Variants in DSC1 observed in about 807,000 individuals in gnomAD.
DSC1 encodes the protein desmocollin 1, also known as desmocollin-1.
DSC1 carries 79 observed loss-of-function variants against 98.8 expected under a neutral mutation model. The observed-to-expected ratio is 0.80, with a 90% CI of 0.67 to 0.96. The LOEUF is 0.96. DSC1 is among the 50% of genes least tolerant of loss of function. DSC1 has a pLI of 0.00. For missense variants in DSC1, 1,115 were observed against 1,075.9 expected (o/e 1.04, Z -0.51); for synonymous variants, 405 against 372.1 (o/e 1.09, Z -1.02).
At chr18:31,147,422 A>G (rs1988869258) in intron 6 of DSC1, among the ~76,000 whole-genome samples, 1 of 152,184 alleles carries the variant, frequency 6.6e-6, no homozygotes, top group Admixed American at 6.5e-5. Context: ...ACCAGTTAGT[A>G]ACTTTATGTA....
Position 31,154,823 on chromosome 18 carries a change from T to C in DSC1, c.578A>G (p.Asp193Gly). The change falls in exon 5 of 16, where the codon GAT (aspartate) becomes GGT (glycine). Residue 193 changes from aspartate to glycine, a missense_variant. Physicochemically the swap from Asp to Gly is moderately conservative, Grantham distance 94 (BLOSUM62 -1). Coordinates refer to ENST00000257198, the MANE Select transcript of DSC1 (RefSeq NM_024421.2). ...NLFYIEKDTG[D>G]IFCTRSIDRE... ...GTCAATGCTCCTTGTACAAAAGATA[T>C]CCCCAGTGTCTTTCTCTATGTAAAA... 1 of 1,613,964 alleles carries C rather than the reference T, an allele frequency of 6.2e-7. No individual in the cohort carries two copies. Among genetic ancestry groups the C allele is most frequent in the Admixed American group, 1.7e-5 (1 of 59,992 alleles).
chr18:31,148,449 G>A (rs758132707), intron 6 of DSC1, 49 bp downstream of exon 6: 22 of 1,502,652 alleles, frequency 1.5e-5, no homozygotes, highest in Middle Eastern at 1.8e-4. Context: ...TAATACTTAC[G>A]AAATGTCAAA....
chr18:31,158,508 T>G (rs1412745969), intron 2 of DSC1, among the ~76,000 whole-genome samples: 1 of 142,172 alleles, frequency 7.0e-6, no homozygotes, highest in Admixed American at 7.4e-5. Flanking sequence ...ACATCTGGCT[T>G]GGAAAGGATA....
At chr18:31,135,632 C>T (rs182988925) in intron 11 of DSC1, among the ~76,000 whole-genome samples, 2 of 152,260 alleles carry the variant, frequency 1.3e-5, no homozygotes, top group Admixed American at 6.5e-5. Context: ...GGAACTGTCT[C>T]GTACTCATCT....
At position 31,142,132 on chromosome 18, in the gene DSC1, T is replaced by C. The variant is rs752242040; in HGVS notation, c.1127A>G (p.Lys376Arg). ...GTTTGGCAAATCCTGATCCTGTACC[T>C]TCATTCGTAAAATCTCCACGTCAAT... ...NRIDVEILRM[K>R]VQDQDLPNTP... Residue 376 changes from lysine to arginine, a missense_variant, in exon 9 of 16, where the codon AAG becomes AGG. Lys to Arg is a conservative substitution (Grantham distance 26, BLOSUM62 2). Transcript: ENST00000257198. The C allele has an allele frequency of 4.3e-6, 7 of 1,613,106 alleles. No individual in the cohort carries two copies. The highest frequency in any genetic ancestry group is 5.9e-6 in the Non-Finnish European group (7 of 1,179,690).
At chr18:31,159,047 G>GTTTCTTTTTTT (rs1989154864) in intron 2 of DSC1, among the ~76,000 whole-genome samples, 1 of 71,098 alleles carries the variant, frequency 1.4e-5, no homozygotes, top group Non-Finnish European at 2.5e-5. Context: ...CTACTATGTG[G>GTTTCTTTTTTT]TTTTTTTTTT....
chr18:31,134,576 C>A lies in DSC1; in HGVS notation c.1872G>T (p.Lys624Asn). 1 of 1,606,418 alleles carries A rather than the reference C, an allele frequency of 6.2e-7. No homozygotes were observed. The highest frequency in any genetic ancestry group is 2.2e-5 in the East Asian group (1 of 44,732). ...AAATTTAGCATGATTACATACCATC[C>A]TTTTCTTCTATGTTCCAGTTTTTAC... ...SASKNWNIEE[K>N]DGKTAILRQR... Residue 624 changes from lysine to asparagine, a missense_variant, in exon 12 of 16, where the codon AAG (lysine) becomes AAT (asparagine). Physicochemically the swap from Lys to Asn is moderately conservative, Grantham distance 94. Transcript: ENST00000257198.
Position 31,130,710 on chromosome 18 carries a change from T to A in DSC1, c.2489A>T (p.Lys830Met). The stretch of plus-strand genomic sequence containing the variant: ...CTCATCTTGTCCACACAAATACACC[T>A]TCTGTATCAAAAAAGAGCACATTTT... ...QSFTQPRLGE[K>M]VYLCGQDEEH... is the part of the protein sequence containing the mutation. Residue 830 changes from lysine to methionine, a missense_variant and splice_region_variant, in exon 16 of 16, where the codon AAG (lysine) becomes ATG (methionine). Physicochemically the swap from Lys to Met is moderately conservative, Grantham distance 95. Transcript: ENST00000257198. The A allele has an allele frequency of 1.2e-6, 2 of 1,613,538 alleles. No homozygotes were observed. The highest frequency in any genetic ancestry group is 1.7e-6 in the Non-Finnish European group (2 of 1,179,866).
intron 12 of DSC1, 114 bp downstream of exon 12, chr18:31,134,458 G>C (rs887895235): frequency 8.1e-6 from 8 of 987,600 alleles, no homozygotes; most frequent in Non-Finnish European, 1.2e-5. Context: ...TGTTTTTAGG[G>C]TTAATAAAAT....
At position 31,138,984 on chromosome 18, in the gene DSC1, T is replaced by A. The variant is rs375120371; in HGVS notation, c.1663+764A>T. Among the ~76,000 whole-genome samples the A allele has an allele frequency of 5.3e-5, 8 of 152,186 alleles. No homozygotes were observed. In the South Asian group the frequency reaches 1.4e-3, roughly 28 times the overall value. ...AGTGTAGCTTCTACTTATATTTTTA[T>A]CATCCTCTTTTAATATGTTTTGTAT... On this transcript the variant is annotated intron_variant, in intron 11 of 15. Transcript: ENST00000257198.
intron 7 of DSC1, among the ~76,000 whole-genome samples, chr18:31,145,064 T>C (rs945531852): frequency 6.0e-5 from 9 of 150,942 alleles, no homozygotes; most frequent in African/African-American, 1.2e-4. Context: ...CTCAGCCTCC[T>C]GAGTAGCTGG....
In DSC1 at chr18:31,156,148, T is replaced by C. The variant is rs780995176; in HGVS notation, c.366A>G (p.Arg122=). ...SARENKSPKK[R]HTKDTALKRS... Reference sequence around the variant, plus strand: ...GCTTGAGGGCTGTGTCTTTGGTATGTCTCTTCTTAGGAGACTACATTTGAC... The same window carrying C: ...GCTTGAGGGCTGTGTCTTTGGTATGCCTCTTCTTAGGAGACTACATTTGAC... The change falls in exon 4 of 16, where the codon AGA becomes AGG. Residue 122 remains arginine, a synonymous_variant. Coordinates refer to ENST00000257198, the MANE Select transcript of DSC1 (RefSeq NM_024421.2). 1 of 1,613,556 alleles carries C rather than the reference T, an allele frequency of 6.2e-7. No individual in the cohort carries two copies. The highest frequency in any genetic ancestry group is 2.2e-5 in the East Asian group (1 of 44,858).
At chr18:31,138,148 C>CT (rs925781152) in intron 11 of DSC1, among the ~76,000 whole-genome samples, 16 of 151,994 alleles carry the variant, frequency 1.1e-4, no homozygotes, top group African/African-American at 3.9e-4. Flanking sequence ...TTAAAGTTTG[C>CT]TTTTTATTTT....
At chr18:31,137,443 A>G (rs1598615440) in intron 11 of DSC1, among the ~76,000 whole-genome samples, 4 of 152,216 alleles carry the variant, frequency 2.6e-5, no homozygotes, top group Admixed American at 2.0e-4. Flanking sequence ...AGTGAAATGT[A>G]TAACGTGGAG....
intron 11 of DSC1, among the ~76,000 whole-genome samples, chr18:31,138,664 T>C (rs1223429281): frequency 1.3e-5 from 2 of 151,910 alleles, no homozygotes; most frequent in African/African-American, 4.8e-5. Flanking sequence ...ACATTTTCAC[T>C]ACTACCAACT....
intron 11 of DSC1, among the ~76,000 whole-genome samples, chr18:31,138,861 AG>A (rs1277959685): frequency 6.6e-6 from 1 of 152,058 alleles, no homozygotes; most frequent in African/African-American, 2.4e-5. Flanking sequence ...TCAAACGAAT[AG>A]GCTATGTTAT....
chr18:31,138,198 G>T (rs1352888980), intron 11 of DSC1, among the ~76,000 whole-genome samples: 1 of 151,742 alleles, frequency 6.6e-6, no homozygotes, highest in Non-Finnish European at 1.5e-5. Flanking sequence ...TTGTCTTTTA[G>T]CACCAAAAAA....
Position 31,129,937 on chromosome 18 carries a change from A to C in DSC1, c.*577T>G, listed in dbSNP as rs1165168824. The C allele has an allele frequency of 6.5e-6, 1 of 152,742 alleles. No homozygotes were observed. 9.5% of individuals were successfully genotyped at this position (152,742 alleles called of 1,614,324 possible). A position where few individuals can be genotyped will look rare whatever the true frequency, so the allele number is the denominator to read the frequency against. On this transcript the variant is annotated 3_prime_UTR_variant, in exon 16 of 16. Transcript: ENST00000257198. ...AGGGACTGAGCTCTGAAGGATCCTGAAAGAAAACAATGCTGGGAGCACTGC... is the reference window on the plus strand; with the variant it reads ...AGGGACTGAGCTCTGAAGGATCCTGCAAGAAAACAATGCTGGGAGCACTGC...
In DSC1 at chr18:31,150,343, C is replaced by CACCACTACT. The variant is rs1376429375; in HGVS notation, c.628-1702_628-1701insAGTAGTGGT. On this transcript the variant is annotated intron_variant, in intron 5 of 15. Coordinates refer to ENST00000257198, the MANE Select transcript of DSC1 (RefSeq NM_024421.2). ...CCATCATCACCACCACCACTACCATCACCACCACCACCACCATCATCACCA... is the reference window on the plus strand; with the variant it reads ...CCATCATCACCACCACCACTACCATCACCACTACTACCACCACCACCACCATCATCACCA... Among the ~76,000 whole-genome samples, 16 of 65,600 alleles carry CACCACTACT rather than the reference C, an allele frequency of 2.4e-4. 1 individual carries two copies. The highest frequency in any genetic ancestry group is 1.7e-3 in the East Asian group (2 of 1,168). The allele number at this position is 65,600 out of a possible 152,430, so 43.0% of individuals were successfully genotyped here.
Sources: gnomAD v4.1 joint callset for allele counts (sites outside exome capture counted in the v4.1 genomes callset) on GRCh38, gnomAD v4.1.1 for gene constraint, MANE v1.5 for transcripts, NCBI Gene and HGNC (gene_info 2026-07-23, HGNC 2026-07-21) for gene names.